The following ROBO2 variants were observed in gnomAD, a reference collection of about 807,000 sequenced individuals.
The protein encoded by ROBO2 is roundabout guidance receptor 2.
In ROBO2, 53 loss-of-function variants were observed where a neutral mutation model predicts 160.8. The ratio of observed to expected loss-of-function variants is 0.33; its 90% CI spans 0.26 to 0.41. The LOEUF is 0.41. Among genes scored for constraint, ROBO2 ranks in the 10% least tolerant of loss-of-function variants. ROBO2 has a pLI of 1.00. For missense variants in ROBO2, 1,577 were observed against 1,722.4 expected (o/e 0.92, Z 1.49); for synonymous variants, 664 against 611.7 (o/e 1.09, Z -1.26).
intron 2 of ROBO2, among the ~76,000 whole-genome samples, chr3:76,678,758 A>G (rs2106866476): frequency 6.6e-6 from 1 of 152,248 alleles, no homozygotes; most frequent in Admixed American, 6.5e-5. Flanking sequence ...TCAGCCGCTA[A>G]TATTGGTATG....
intron 2 of ROBO2, among the ~76,000 whole-genome samples, chr3:77,325,276 TG>T (rs2065260788): frequency 1.3e-5 from 2 of 152,204 alleles, no homozygotes; most frequent in Non-Finnish European, 2.9e-5. Flanking sequence ...TCTCAGTGAC[TG>T]AAGAAGTCAA....
intron 2 of ROBO2, among the ~76,000 whole-genome samples, chr3:76,938,552 A>G (rs2077905240): frequency 6.6e-6 from 1 of 152,008 alleles, no homozygotes; most frequent in African/African-American, 2.4e-5. Context: ...CAATTCTAGA[A>G]ATTGATAGAA....
intron 2 of ROBO2, among the ~76,000 whole-genome samples, chr3:76,830,723 TC>T (rs2067007690): frequency 6.7e-6 from 1 of 149,902 alleles, no homozygotes; most frequent in Non-Finnish European, 1.5e-5. Flanking sequence ...ACGCTTGTAA[TC>T]CCAGCATCTC....
chr3:76,108,719 A>G (rs1288211873), intron 2 of ROBO2, among the ~76,000 whole-genome samples: 1 of 151,484 alleles, frequency 6.6e-6, no homozygotes, highest in Non-Finnish European at 1.5e-5. Flanking sequence ...TAATTCATTG[A>G]ACACAAATTA....
intron 2 of ROBO2, among the ~76,000 whole-genome samples, chr3:76,905,428 T>C (rs1029441936): frequency 6.6e-6 from 1 of 152,186 alleles, no homozygotes; most frequent in Non-Finnish European, 1.5e-5. Flanking sequence ...AAAAAATATA[T>C]ATTTTTAACA....
At chr3:76,819,373 G>T (rs1412665891) in intron 2 of ROBO2, among the ~76,000 whole-genome samples, 2 of 152,002 alleles carry the variant, frequency 1.3e-5, no homozygotes, top group East Asian at 1.9e-4. Flanking sequence ...TTGCCTCTCC[G>T]ATCCCTTGTT....
chr3:77,149,885 T>C (rs1489175107), intron 2 of ROBO2, among the ~76,000 whole-genome samples: 1 of 152,168 alleles, frequency 6.6e-6, no homozygotes, highest in Non-Finnish European at 1.5e-5. Context: ...ATTTATTTGT[T>C]AATGTACTGT....
intron 2 of ROBO2, among the ~76,000 whole-genome samples, chr3:76,699,729 C>T (rs914088451): frequency 6.6e-6 from 1 of 152,192 alleles, no homozygotes; most frequent in African/African-American, 2.4e-5. Flanking sequence ...CTTGTAAAAG[C>T]GAGTCTTTGC....
intron 2 of ROBO2, among the ~76,000 whole-genome samples, chr3:76,135,650 A>G (rs2071402033): frequency 6.6e-6 from 1 of 152,132 alleles, no homozygotes; most frequent in Non-Finnish European, 1.5e-5. Context: ...TTCAGAAAAC[A>G]GGTCTGTGAT....
chr3:77,423,296 A>G (rs758055792), intron 2 of ROBO2, among the ~76,000 whole-genome samples: 1 of 152,264 alleles, frequency 6.6e-6, no homozygotes, highest in Admixed American at 6.5e-5. Context: ...TGTAGTTGGT[A>G]TGTTCAATTC....
intron 2 of ROBO2, among the ~76,000 whole-genome samples, chr3:77,132,933 G>C (rs2075980923): frequency 1.3e-5 from 2 of 152,148 alleles, no homozygotes; most frequent in African/African-American, 2.4e-5. Flanking sequence ...TCTTAAGAGA[G>C]AGATGAGTGG....
At chr3:76,418,655 G>A (rs936546445) in intron 2 of ROBO2, among the ~76,000 whole-genome samples, 7 of 148,922 alleles carry the variant, frequency 4.7e-5, no homozygotes, top group East Asian at 2.0e-4. Context: ...TCAAATAAAC[G>A]CTTAAAAATT....
At chr3:76,687,127 A>G (rs1318150385) in intron 2 of ROBO2, among the ~76,000 whole-genome samples, 1 of 152,112 alleles carries the variant, frequency 6.6e-6, no homozygotes, top group Admixed American at 6.6e-5. Flanking sequence ...ATAGGTAAAT[A>G]CGTATTGCAG....
intron 2 of ROBO2, among the ~76,000 whole-genome samples, chr3:76,795,852 G>A (rs9821081): frequency 0.32 from 48,994 of 151,942 alleles, 10,224 homozygotes; most frequent in African/African-American, 0.59. Context: ...GTCAGCTGTA[G>A]CCTTACTGAA....
chr3:77,538,798 T>A, intron 6 of ROBO2: 1 of 426,274 alleles, frequency 2.3e-6, no homozygotes, highest in East Asian at 6.5e-5. Context: ...ATAAATTGAG[T>A]AAACATTTAT....
intron 2 of ROBO2, among the ~76,000 whole-genome samples, chr3:77,120,491 A>G (rs926475426): frequency 6.6e-6 from 1 of 152,230 alleles, no homozygotes; most frequent in African/African-American, 2.4e-5. Flanking sequence ...GTAAGTTGAT[A>G]GTAAAATTTT....
chr3:76,482,997 T>C (rs1436055539), intron 2 of ROBO2, among the ~76,000 whole-genome samples: 1 of 152,126 alleles, frequency 6.6e-6, no homozygotes. Context: ...TTTAAACAAA[T>C]TGTCAGTATT....
At chr3:75,971,987 A>T (rs2065009692) in intron 2 of ROBO2, among the ~76,000 whole-genome samples, 1 of 151,624 alleles carries the variant, frequency 6.6e-6, no homozygotes, top group African/African-American at 2.4e-5. Context: ...TTGCAAAGTA[A>T]ATCAAATAAA....
chr3:77,252,823 A>AT (rs1396495117), intron 2 of ROBO2, among the ~76,000 whole-genome samples: 64 of 40,580 alleles, frequency 1.6e-3, no homozygotes, highest in South Asian at 3.9e-3. Context: ...AAAAAAAAAA[A>AT]AAAAAAAAAT....
Sources: gnomAD v4.1 joint callset for allele counts (sites outside exome capture counted in the v4.1 genomes callset) on GRCh38, gnomAD v4.1.1 for gene constraint, MANE v1.5 for transcripts, NCBI Gene and HGNC (gene_info 2026-07-23, HGNC 2026-07-21) for gene names.